Variants in ZFP62 observed in about 807,000 individuals in gnomAD.
The protein encoded by ZFP62 is zinc finger protein 62 homolog.
Under a neutral mutation model 56.4 loss-of-function variants are expected in ZFP62, and 44 were observed. That is an observed-to-expected ratio of 0.78 (90% CI 0.61 to 1.00). The LOEUF (loss-of-function observed/expected upper bound fraction) is 1.00, where lower values mean the gene tolerates loss of function less well. Among genes scored for constraint, ZFP62 ranks in the 50% least tolerant of loss-of-function variants. The probability of loss-of-function intolerance (pLI) is 0.00; values close to 1 mark genes in which losing one functional copy is unlikely to be tolerated. For synonymous variants in ZFP62, 421 were observed against 388.9 expected (o/e 1.08, Z -0.97); for missense variants, 1,030 against 1,085.7 (o/e 0.95, Z 0.72).
At chr5:180,844,976 T>TA (rs1405588898), downstream of ZFP62, among the ~76,000 whole-genome samples, 3 of 152,078 alleles carry the variant, frequency 2.0e-5, no homozygotes, top group Non-Finnish European at 4.4e-5. Flanking sequence ...TTAACACTAT[T>TA]AATGTTTCCA....
rs963723140 is a variant in ZFP62 at position 180,847,746 on chromosome 5, G to A, written c.*1046C>T. The A allele has an allele frequency of 1.4e-5, 14 of 985,316 alleles. No individual in the cohort carries two copies. The highest frequency in any genetic ancestry group is 1.7e-5 in the Non-Finnish European group (14 of 829,930). The allele number at this position is 985,316 out of a possible 1,614,324, so 61.0% of individuals were successfully genotyped here. A position where few individuals can be genotyped will look rare whatever the true frequency, so the allele number is the denominator to read the frequency against. The stretch of plus-strand genomic sequence containing the variant: ...ACAACAGACAACATATACATGTCCT[G>A]CATGACATCTTTACAATAACACATT... On this transcript the variant is annotated 3_prime_UTR_variant, in exon 2 of 2. Coordinates refer to ENST00000502412, the MANE Select transcript of ZFP62 (RefSeq NM_001172638.2).
In ZFP62 at chr5:180,848,803, T is replaced by C. The variant is rs1265396440; in HGVS notation, c.2692A>G (p.Met898Val). ...GTAAGCTCTGCCTGCTACAGAGGCATCCTCATCCTGCCCCCATCCAGGGCA... is the reference window on the plus strand; with the variant it reads ...GTAAGCTCTGCCTGCTACAGAGGCACCCTCATCCTGCCCCCATCCAGGGCA... ...GNALDGGRMR[M>V]PL Residue 898 changes from methionine (M) to valine (V), a missense_variant, in exon 2 of 2, where the codon ATG becomes GTG. Coordinates refer to ENST00000502412, the MANE Select transcript of ZFP62 (RefSeq NM_001172638.2). 2.0e-6 allele frequency: 3 copies of C among 1,530,972 alleles called. No individual in the cohort carries two copies. Among genetic ancestry groups the C allele is most frequent in the East Asian group, 2.5e-5 (1 of 40,520 alleles). The allele number at this position is 1,530,972 out of a possible 1,614,324, so 94.8% of individuals were successfully genotyped here.
intron 1 of ZFP62, among the ~76,000 whole-genome samples, 174 bp from the exon 2 acceptor site, chr5:180,851,667 T>G (rs1415400149): frequency 6.6e-6 from 1 of 152,186 alleles, no homozygotes; most frequent in Admixed American, 6.5e-5. Context: ...ACAATGAATA[T>G]GACAAAATTT....
In ZFP62 at chr5:180,849,181, G is replaced by T; in HGVS notation, c.2314C>A (p.Leu772Ile). ...GTGTGGATCCTTTTATGCACTGTGA[G>T]GCCTGAGCTGTTCCTGAAGGCCTTC... is the stretch of plus-strand genomic sequence containing the variant. ...CGKAFRNSSG[L>I]TVHKRIHTGE... The change falls in exon 2 of 2, where the codon CTC becomes ATC. Residue 772 changes from leucine (L) to isoleucine (I), a missense_variant. Physicochemically the swap from Leu to Ile is conservative, Grantham distance 5. Transcript: ENST00000502412. The T allele has an allele frequency of 6.4e-7, 1 of 1,562,130 alleles. No individual in the cohort carries two copies.
the ZFP62 span, among the ~76,000 whole-genome samples, chr5:180,827,446 A>G: frequency 6.6e-6 from 1 of 152,226 alleles, no homozygotes; most frequent in Non-Finnish European, 1.5e-5. Context: ...TCAGGGTTAA[A>G]TGGATTAAGG....
chr5:180,849,799 A>C lies in ZFP62; in HGVS notation c.1696T>G (p.Cys566Gly). The change falls in exon 2 of 2, where the codon TGT (cysteine) becomes GGT (glycine). Residue 566 changes from cysteine (C) to glycine (G), a missense_variant. Cys to Gly is a radical substitution (Grantham distance 159). Transcript: ENST00000502412. The stretch of plus-strand genomic sequence containing the variant: ...GAGAGAGAGATGTATGCTTTCCCAC[A>C]TTCTTCACATTTGTAAGGTCGTTCC... ...TGERPYKCEE[C>G]GKAYISLSSL... 2 of 1,551,928 alleles carry C rather than the reference A, an allele frequency of 1.3e-6. No homozygotes were observed. Among genetic ancestry groups the C allele is most frequent in the Middle Eastern group, 1.7e-4 (1 of 5,998 alleles).
At chr5:180,860,906 G>C (rs114513769) in intron 1 of ZFP62, among the ~76,000 whole-genome samples, 3,006 of 152,256 alleles carry the variant, frequency 0.02, 105 homozygotes, top group African/African-American at 0.069. Flanking sequence ...AGGAACACCG[G>C]AGCGGGGCCC....
downstream of ZFP62, among the ~76,000 whole-genome samples, chr5:180,844,484 G>C (rs145673143): frequency 6.2e-3 from 951 of 152,316 alleles, 2 homozygotes; most frequent in Middle Eastern, 0.014. Flanking sequence ...GATGGTAAAA[G>C]TCTGGCTCTC....
Position 180,851,437 on chromosome 5 carries a change from C to T in ZFP62, c.58G>A (p.Val20Ile), listed in dbSNP as rs758784761. 4.5e-6 allele frequency: 7 copies of T among 1,551,470 alleles called. No individual in the cohort carries two copies. The South Asian group carries it at 7.1e-5, about 16-fold the overall frequency. Residue 20 changes from valine to isoleucine, a missense_variant, in exon 2 of 2, where the codon GTT becomes ATT. Physicochemically the swap from Val to Ile is conservative, Grantham distance 29. Coordinates refer to ENST00000502412, the MANE Select transcript of ZFP62 (RefSeq NM_001172638.2). Reference protein sequence around the residue: ...DEEPTEEYENVGNAASKWPKV... With the variant: ...DEEPTEEYENIGNAASKWPKV... The stretch of plus-strand genomic sequence containing the variant: ...GGCCACTTAGATGCTGCATTTCCAA[C>T]ATTTTCATATTCTTCAGTTGGTTCC...
intron 1 of ZFP62, among the ~76,000 whole-genome samples, chr5:180,856,569 C>T (rs1222384343): frequency 6.6e-6 from 1 of 152,176 alleles, no homozygotes; most frequent in Non-Finnish European, 1.5e-5. Context: ...CCGGGCTATT[C>T]CTATCCAAAG....
At chr5:180,853,901 A>G (rs2619764) in intron 1 of ZFP62, among the ~76,000 whole-genome samples, 137,938 of 152,278 alleles carry the variant, frequency 0.91, 62,628 homozygotes, top group East Asian at 1. Context: ...AAGCAAGAGA[A>G]GAAGGCGAAA....
At position 180,848,335 on chromosome 5, in the gene ZFP62, G is replaced by A. The variant is rs1164346834; in HGVS notation, c.*457C>T. 1.0e-6 allele frequency: 1 copy of A among 987,156 alleles called. No individual in the cohort carries two copies. Among genetic ancestry groups the A allele is most frequent in the Non-Finnish European group, 1.2e-6 (1 of 831,186 alleles). The allele number at this position is 987,156 out of a possible 1,614,324, so 61.1% of individuals were successfully genotyped here. A position where few individuals can be genotyped will look rare whatever the true frequency, so the allele number is the denominator to read the frequency against. ...ATATTCCCTGAAACCTATCCTCCCT[G>A]AATTTGCCTGTTGGAGGCCCTTAGT... On this transcript the variant is annotated 3_prime_UTR_variant, in exon 2 of 2. Transcript: ENST00000502412.
At position 180,849,214 on chromosome 5, in the gene ZFP62, T is replaced by C; in HGVS notation, c.2281A>G (p.Arg761Gly). ...HTGEKPYVCD[R>G]CGKAFRNSSG... ...CTGTTCCTGAAGGCCTTCCCACACC[T>C]ATCACACACATAGGGTTTCTCCCCT... is the stretch of plus-strand genomic sequence containing the variant. Residue 761 changes from arginine to glycine, a missense_variant, in exon 2 of 2, where the codon AGG (arginine) becomes GGG (glycine). By Grantham distance (125) the Arg-to-Gly change is moderately radical. Coordinates refer to ENST00000502412, the MANE Select transcript of ZFP62 (RefSeq NM_001172638.2). 1 of 1,559,810 alleles carries C rather than the reference T, an allele frequency of 6.4e-7. No individual in the cohort carries two copies. The highest frequency in any genetic ancestry group is 2.4e-5 in the East Asian group (1 of 41,506).
chr5:180,845,650 G>T (rs758791403), downstream of ZFP62: 77 of 932,086 alleles, frequency 8.3e-5, no homozygotes, highest in Non-Finnish European at 9.6e-5. Flanking sequence ...CTGGAGAAGA[G>T]AAATGAAGGG....
intron 1 of ZFP62, among the ~76,000 whole-genome samples, chr5:180,857,083 C>T (rs946916706): frequency 2.0e-5 from 3 of 151,598 alleles, no homozygotes; most frequent in African/African-American, 7.3e-5. Context: ...AACTGGTGTT[C>T]ACCCCCCGAA....
chr5:180,858,151 G>A (rs1774090199), intron 1 of ZFP62, among the ~76,000 whole-genome samples: 1 of 149,010 alleles, frequency 6.7e-6, no homozygotes, highest in Admixed American at 6.8e-5. Flanking sequence ...CAGCTACTTG[G>A]GAGGCTGAAG....
chr5:180,833,281 C>T, the ZFP62 span, among the ~76,000 whole-genome samples: 4 of 151,844 alleles, frequency 2.6e-5, no homozygotes, highest in Non-Finnish European at 5.9e-5. Flanking sequence ...GAGATCGAGA[C>T]CATCCTGGCT....
In ZFP62 at chr5:180,851,167, G is replaced by C. The variant is rs1221105253; in HGVS notation, c.328C>G (p.Gln110Glu). 6.4e-7 allele frequency: 1 copy of C among 1,551,586 alleles called. No homozygotes were observed. The highest frequency in any genetic ancestry group is 1.4e-5 in the African/African-American group (1 of 73,026). The change falls in exon 2 of 2, where the codon CAG becomes GAG. Residue 110 changes from glutamine to glutamate, a missense_variant. Transcript: ENST00000502412. ...HITHQTMPIG[Q>E]RGSEQGKRVE... is the part of the protein sequence containing the mutation. ...CGTTTGCCTTGCTCACTGCCTCTCTGTCCTATAGGCATAGTCTGGTGTGTG... is the reference window on the plus strand; with the variant it reads ...CGTTTGCCTTGCTCACTGCCTCTCTCTCCTATAGGCATAGTCTGGTGTGTG...
chr5:180,860,222 C>CA (rs1340220582), intron 1 of ZFP62, among the ~76,000 whole-genome samples: 1 of 152,126 alleles, frequency 6.6e-6, no homozygotes, highest in African/African-American at 2.4e-5. Flanking sequence ...TACAAAGGAA[C>CA]AAAAGTGGTT....
Sources: gnomAD v4.1 joint callset for allele counts (sites outside exome capture counted in the v4.1 genomes callset) on GRCh38, gnomAD v4.1.1 for gene constraint, MANE v1.5 for transcripts, NCBI Gene and HGNC (gene_info 2026-07-23, HGNC 2026-07-21) for gene names.